MED13: variants seen among roughly 807,000 people sequenced by gnomAD.
MED13 encodes the protein mediator of RNA polymerase II transcription subunit 13.
In MED13, 23 loss-of-function variants were observed where a neutral mutation model predicts 225.2. The observed-to-expected ratio is 0.10, with a 90% CI of 0.07 to 0.14. The LOEUF (loss-of-function observed/expected upper bound fraction) is 0.14. Ranked by LOEUF, MED13 falls within the 10% of genes least tolerant of loss-of-function variation. The pLI, the probability that MED13 is intolerant of heterozygous loss-of-function variation, is 1.00. For missense variants in MED13, 2,197 were observed against 2,594.5 expected, an observed-to-expected ratio of 0.85 and a Z score of 3.33; for synonymous variants, 942 against 889.2, an observed-to-expected ratio of 1.06 and a Z score of -1.06.
chr17:61,948,506 A>G (rs2079868976), intron 28 of MED13, among the ~76,000 whole-genome samples: 1 of 151,980 alleles, frequency 6.6e-6, no homozygotes, highest in Non-Finnish European at 1.5e-5. Context: ...AAACTATCTT[A>G]TTTACCTCTG....
At chr17:61,964,170 A>G (rs1236323822) in intron 20 of MED13, among the ~76,000 whole-genome samples, 2 of 152,350 alleles carry the variant, frequency 1.3e-5, no homozygotes, top group East Asian at 3.9e-4. Flanking sequence ...CAAATGTCAT[A>G]TGGGTATCTG....
At chr17:61,979,230 G>C (rs773144659) in intron 16 of MED13, among the ~76,000 whole-genome samples, 6 of 152,030 alleles carry the variant, frequency 3.9e-5, no homozygotes, top group Non-Finnish European at 7.4e-5. Context: ...TCATCTATTT[G>C]TTATACATAA....
chr17:62,044,601 G>A (rs370490384), intron 3 of MED13, among the ~76,000 whole-genome samples: 11 of 152,178 alleles, frequency 7.2e-5, no homozygotes, highest in African/African-American at 2.4e-4. Context: ...ATATGTACAT[G>A]TCTATATGTA....
chr17:62,008,093 G>A (rs1183436216), intron 9 of MED13, among the ~76,000 whole-genome samples: 2 of 149,982 alleles, frequency 1.3e-5, no homozygotes, highest in East Asian at 2.0e-4. Flanking sequence ...CGGGGCGGGC[G>A]GATCATGAGG....
intron 3 of MED13, among the ~76,000 whole-genome samples, chr17:62,041,951 C>T (rs1243304608): frequency 6.6e-6 from 1 of 152,258 alleles, no homozygotes. Context: ...ACTTGTCTTA[C>T]ATTAGGATCT....
At chr17:62,063,606 C>T (rs756558676) in intron 1 of MED13, among the ~76,000 whole-genome samples, 2 of 152,182 alleles carry the variant, frequency 1.3e-5, no homozygotes, top group Non-Finnish European at 2.9e-5. Context: ...AAACAGAGTA[C>T]ATTTTTCTCT....
At chr17:62,031,407 A>G in intron 6 of MED13, 37 bp downstream of exon 6, 1 of 1,467,724 alleles carries the variant, frequency 6.8e-7, no homozygotes, top group Non-Finnish European at 9.1e-7. Flanking sequence ...ACAAAATAAC[A>G]AATTACCAGA....
chr17:62,002,828 C>G (rs1168981608), intron 9 of MED13, among the ~76,000 whole-genome samples: 2 of 152,188 alleles, frequency 1.3e-5, no homozygotes, highest in Non-Finnish European at 2.9e-5. Context: ...ACACGCTGAT[C>G]TTTCTAATAA....
At chr17:61,959,923 G>A (rs1403470014) in intron 23 of MED13, among the ~76,000 whole-genome samples, 2 of 151,588 alleles carry the variant, frequency 1.3e-5, no homozygotes, top group African/African-American at 4.9e-5. Flanking sequence ...ACGGGGTTTC[G>A]CCATGTTGCC....
chr17:62,008,266 A>C (rs7210061), intron 9 of MED13, among the ~76,000 whole-genome samples: 51,765 of 142,872 alleles, frequency 0.36, 11,278 homozygotes, highest in East Asian at 0.72. Context: ...TGCAGTGAGC[A>C]GGGATCGCGC....
At chr17:62,015,786 TAC>T (rs1199644971) in intron 8 of MED13, among the ~76,000 whole-genome samples, 2 of 136,420 alleles carry the variant, frequency 1.5e-5, no homozygotes, top group Admixed American at 7.7e-5. Context: ...TATATATATA[TAC>T]ACACACACTA....
chr17:62,048,011 T>C (rs1231488614), intron 3 of MED13, among the ~76,000 whole-genome samples: 2 of 140,132 alleles, frequency 1.4e-5, no homozygotes, highest in Non-Finnish European at 3.0e-5. Flanking sequence ...GGTACTGGTA[T>C]ATATACATAT....
At chr17:62,051,364 C>A (rs1472817040) in intron 3 of MED13, among the ~76,000 whole-genome samples, 1 of 152,148 alleles carries the variant, frequency 6.6e-6, no homozygotes, top group Admixed American at 6.5e-5. Flanking sequence ...CTCTGGGGAA[C>A]TTTGAATCCT....
At chr17:62,023,679 G>A (rs1476774201) in intron 8 of MED13, among the ~76,000 whole-genome samples, 1 of 152,152 alleles carries the variant, frequency 6.6e-6, no homozygotes, top group East Asian at 1.9e-4. Flanking sequence ...CAGAGAAAAA[G>A]CAGAAATGGA....
intron 8 of MED13, among the ~76,000 whole-genome samples, chr17:62,015,942 ATATATATATATATTTTTTTTT>A (rs2080570283): frequency 1.0e-4 from 1 of 10,036 alleles, no homozygotes; most frequent in African/African-American, 2.6e-4. Flanking sequence ...ATATATATAT[ATATATATATATATTTTTTTTT>A]TTTTTTTTTT....
chr17:62,065,054 T>C, intron 1 of MED13, 86 bp downstream of exon 1: 1 of 1,263,240 alleles, frequency 7.9e-7, no homozygotes, highest in Non-Finnish European at 1.1e-6. Context: ...CTCGGGCATC[T>C]GGACCAGACC....
At chr17:62,049,730 G>C (rs894642041) in intron 3 of MED13, among the ~76,000 whole-genome samples, 1 of 151,238 alleles carries the variant, frequency 6.6e-6, no homozygotes, top group East Asian at 2.0e-4. Context: ...AGGAGATCGA[G>C]ACCATCCTGG....
At chr17:62,001,331 C>T (rs1205115826) in intron 9 of MED13, among the ~76,000 whole-genome samples, 2 of 152,194 alleles carry the variant, frequency 1.3e-5, no homozygotes, top group Non-Finnish European at 2.9e-5. Flanking sequence ...TACATCCCTG[C>T]TACTTCTAAT....
At chr17:62,037,697 G>A (rs2080816617) in intron 3 of MED13, among the ~76,000 whole-genome samples, 1 of 150,248 alleles carries the variant, frequency 6.7e-6, no homozygotes, top group South Asian at 2.1e-4. Context: ...AAAGAGGCCT[G>A]TAATCCCAGC....
Sources: allele counts gnomAD v4.1 joint callset (sites outside exome capture counted in the v4.1 genomes callset), GRCh38; gene constraint gnomAD v4.1.1; transcripts MANE v1.5; gene names NCBI Gene and HGNC (gene_info 2026-07-23, HGNC 2026-07-21).